KAZN: variants seen among roughly 807,000 people sequenced by gnomAD.
KAZN encodes the protein kazrin.
In KAZN, 40 loss-of-function variants were observed where a neutral mutation model predicts 87.4. The observed-to-expected ratio is 0.46, with a 90% confidence interval of 0.36 to 0.60. The LOEUF (loss-of-function observed/expected upper bound fraction) is 0.60, where lower values mean the gene tolerates loss of function less well. KAZN is among the 20% of genes least tolerant of loss of function. The pLI is 0.00. For synonymous variants in KAZN, 466 were observed against 458.3 expected (o/e 1.02, Z -0.22); for missense variants, 898 against 1,073.9 (o/e 0.84, Z 2.29).
chr1:14,613,934 T>C (rs777892068), intron 1 of KAZN, among the ~76,000 whole-genome samples: 100 of 152,324 alleles, frequency 6.6e-4, no homozygotes, highest in Non-Finnish European at 1.1e-3. Flanking sequence ...GTGACACAAC[T>C]GATTAACCTG....
intron 2 of KAZN, among the ~76,000 whole-genome samples, chr1:15,030,253 T>G (rs527725645): frequency 6.6e-6 from 1 of 152,258 alleles, no homozygotes; most frequent in South Asian, 2.1e-4. Flanking sequence ...ATCTTTATTT[T>G]TATTTTGATT....
intron 2 of KAZN, among the ~76,000 whole-genome samples, chr1:14,386,467 A>T (rs1439892662): frequency 6.6e-6 from 1 of 151,912 alleles, no homozygotes; most frequent in Non-Finnish European, 1.5e-5. Context: ...GTTCCTTTCC[A>T]TGTTTAGCAC....
At chr1:14,553,319 C>T (rs987474504) in intron 2 of KAZN, among the ~76,000 whole-genome samples, 3 of 152,122 alleles carry the variant, frequency 2.0e-5, no homozygotes, top group African/African-American at 4.8e-5. Context: ...CAAGATCGCG[C>T]CACTGCACTC....
intron 1 of KAZN, among the ~76,000 whole-genome samples, chr1:14,881,415 A>G (rs1653324985): frequency 6.6e-6 from 1 of 152,228 alleles, no homozygotes; most frequent in Non-Finnish European, 1.5e-5. Context: ...TGAGGCTACT[A>G]AGGCACAAGA....
chr1:14,451,230 A>AC (rs1354119631), intron 2 of KAZN, among the ~76,000 whole-genome samples: 3 of 152,032 alleles, frequency 2.0e-5, no homozygotes, highest in African/African-American at 7.2e-5. Context: ...GTTGCTAAGT[A>AC]CCCCACAAGG....
At chr1:14,868,450 G>A (rs1238882780) in intron 1 of KAZN, among the ~76,000 whole-genome samples, 1 of 152,208 alleles carries the variant, frequency 6.6e-6, no homozygotes, top group Non-Finnish European at 1.5e-5. Flanking sequence ...CTCATCTAGG[G>A]CCACACGTTA....
intron 2 of KAZN, among the ~76,000 whole-genome samples, chr1:14,491,071 T>C (rs976492149): frequency 1.3e-5 from 2 of 152,246 alleles, no homozygotes; most frequent in East Asian, 1.9e-4. Context: ...TTCTTTTGTA[T>C]CTCAAAAAGA....
upstream of KAZN, among the ~76,000 whole-genome samples, chr1:14,594,233 G>C (rs1332859707): frequency 6.6e-6 from 1 of 152,128 alleles, no homozygotes; most frequent in Non-Finnish European, 1.5e-5. Flanking sequence ...TATATTATGA[G>C]GTCACTCTAT....
intron 1 of KAZN, among the ~76,000 whole-genome samples, chr1:14,634,914 G>T (rs1679846570): frequency 6.6e-6 from 1 of 152,164 alleles, no homozygotes; most frequent in Admixed American, 6.5e-5. Flanking sequence ...AATGGCTCAG[G>T]AATTGGGCTG....
chr1:14,680,145 A>T (rs948283601), intron 1 of KAZN, among the ~76,000 whole-genome samples: 3 of 152,164 alleles, frequency 2.0e-5, no homozygotes, highest in Non-Finnish European at 2.9e-5. Flanking sequence ...TTATCTTTTT[A>T]AAAAAATTAC....
rs546113855 is a variant in KAZN at position 14,742,998 on chromosome 1, C to T, written c.226+143775C>T. On this transcript the variant is annotated intron_variant, in intron 1 of 14. Coordinates refer to ENST00000376030, the MANE Select transcript of KAZN (RefSeq NM_201628.3). ...CCAGTGAATAGACCCATAAGATGTG[C>T]CGCCTTTGAGATCTTTGCTTTGGTG... is the stretch of plus-strand genomic sequence containing the variant. 3.3e-5 allele frequency among the ~76,000 whole-genome samples: 5 copies of T among 152,312 alleles called. No homozygotes were observed. In the East Asian group the frequency reaches 9.6e-4, roughly 29 times the overall value.
intron 2 of KAZN, among the ~76,000 whole-genome samples, chr1:14,526,643 A>G (rs77829022): frequency 0.022 from 3,312 of 152,236 alleles, 38 homozygotes; most frequent in Non-Finnish European, 0.029. Context: ...GACTTCAGCC[A>G]TTTTCCAGTT....
At chr1:14,222,314 G>C (rs570982717) in intron 2 of KAZN, among the ~76,000 whole-genome samples, 1 of 152,128 alleles carries the variant, frequency 6.6e-6, no homozygotes, top group African/African-American at 2.4e-5. Context: ...TGGGCCAGAG[G>C]CTTAGTGATT....
chr1:14,400,243 C>G (rs188636992), intron 2 of KAZN, among the ~76,000 whole-genome samples: 1 of 152,152 alleles, frequency 6.6e-6, no homozygotes, highest in Non-Finnish European at 1.5e-5. Flanking sequence ...AGGAAGAAAT[C>G]TCAACATCTC....
At chr1:14,757,171 A>G (rs1644593698) in intron 1 of KAZN, among the ~76,000 whole-genome samples, 1 of 152,154 alleles carries the variant, frequency 6.6e-6, no homozygotes, top group Admixed American at 6.5e-5. Context: ...TCTGCTCCCA[A>G]GTGTCCACAG....
At chr1:13,998,442 G>A (rs1156371893) in intron 1 of KAZN, among the ~76,000 whole-genome samples, 2 of 152,266 alleles carry the variant, frequency 1.3e-5, no homozygotes, top group African/African-American at 2.4e-5. Context: ...ATTGGATAAA[G>A]AGTCAAGATC....
intron 1 of KAZN, among the ~76,000 whole-genome samples, chr1:14,954,828 C>T (rs951132371): frequency 4.6e-5 from 7 of 152,112 alleles, no homozygotes; most frequent in South Asian, 2.1e-4. Flanking sequence ...TGGTGGCAGG[C>T]GCCTGTAGTC....
At chr1:15,035,189 G>T (rs1051671615) in intron 3 of KAZN, among the ~76,000 whole-genome samples, 1 of 152,176 alleles carries the variant, frequency 6.6e-6, no homozygotes, top group African/African-American at 2.4e-5. Flanking sequence ...TTTCCTCTCT[G>T]CAGAGTGGTG....
At chr1:14,725,229 A>T (rs1643319984) in intron 1 of KAZN, among the ~76,000 whole-genome samples, 1 of 152,086 alleles carries the variant, frequency 6.6e-6, no homozygotes. Flanking sequence ...ACCAGTCTGG[A>T]ATATTCTTCT....
Sources: allele counts gnomAD v4.1 joint callset (sites outside exome capture counted in the v4.1 genomes callset), GRCh38; gene constraint gnomAD v4.1.1; transcripts MANE v1.5; gene names NCBI Gene and HGNC (gene_info 2026-07-23, HGNC 2026-07-21).